The following NAALADL2 variants were observed in gnomAD, a reference collection of about 807,000 sequenced individuals.
NAALADL2 encodes inactive N-acetylated-alpha-linked acidic dipeptidase-like protein 2.
Under a neutral mutation model 87.2 loss-of-function variants are expected in NAALADL2, and 76 were observed. The observed-to-expected ratio is 0.87, with a 90% CI of 0.72 to 1.05. The LOEUF (loss-of-function observed/expected upper bound fraction) is 1.05, where lower values mean the gene tolerates loss of function less well. NAALADL2 is among the 50% of genes least tolerant of loss of function. The pLI is 0.00. For synonymous variants in NAALADL2, 354 were observed against 331.0 expected, an observed-to-expected ratio of 1.07 and a Z score of -0.75; for missense variants, 1,089 against 945.8, an observed-to-expected ratio of 1.15 and a Z score of -1.99.
intron 11 of NAALADL2, among the ~76,000 whole-genome samples, chr3:175,699,423 C>T (rs1471200990): frequency 1.3e-5 from 2 of 151,974 alleles, no homozygotes; most frequent in African/African-American, 4.8e-5. Context: ...ATACATGAAA[C>T]ATGCACTAGA....
At chr3:175,119,145 T>C (rs1268261280) in intron 2 of NAALADL2, among the ~76,000 whole-genome samples, 2 of 151,556 alleles carry the variant, frequency 1.3e-5, no homozygotes, top group African/African-American at 4.8e-5. Flanking sequence ...AATACCTAAG[T>C]TAGATTTACA....
At chr3:175,714,769 A>G (rs1741008551) in intron 11 of NAALADL2, among the ~76,000 whole-genome samples, 1 of 152,110 alleles carries the variant, frequency 6.6e-6, no homozygotes, top group African/African-American at 2.4e-5. Flanking sequence ...TTTTGTTGCC[A>G]TTGCTTTTGG....
intron 11 of NAALADL2, among the ~76,000 whole-genome samples, chr3:175,707,152 G>A (rs984848156): frequency 3.3e-5 from 5 of 152,054 alleles, no homozygotes; most frequent in Admixed American, 6.6e-5. Flanking sequence ...ATGTGCAGAT[G>A]TTGTTCTGGA....
intron 1 of NAALADL2, among the ~76,000 whole-genome samples, chr3:174,921,674 G>A (rs901509504): frequency 1.3e-5 from 2 of 151,534 alleles, no homozygotes; most frequent in East Asian, 1.9e-4. Context: ...GCGTGGTGGC[G>A]GGTGGCTGTA....
chr3:175,171,155 C>CA (rs1170161576), intron 2 of NAALADL2, among the ~76,000 whole-genome samples: 1 of 151,966 alleles, frequency 6.6e-6, no homozygotes, highest in African/African-American at 2.4e-5. Context: ...TCATACAACT[C>CA]AGGCTTATAA....
At chr3:175,184,582 G>A (rs1438404246) in intron 2 of NAALADL2, among the ~76,000 whole-genome samples, 1 of 151,820 alleles carries the variant, frequency 6.6e-6, no homozygotes, top group African/African-American at 2.4e-5. Context: ...TCCCATATAT[G>A]TACAACTGTC....
chr3:175,657,729 C>T (rs1037891793), intron 11 of NAALADL2, among the ~76,000 whole-genome samples: 2 of 150,398 alleles, frequency 1.3e-5, no homozygotes, highest in African/African-American at 2.5e-5. Flanking sequence ...TACAGGTGCC[C>T]GCCAACACGC....
At chr3:175,284,881 C>A (rs576326871) in intron 4 of NAALADL2, among the ~76,000 whole-genome samples, 2 of 151,928 alleles carry the variant, frequency 1.3e-5, no homozygotes, top group Admixed American at 6.6e-5. Flanking sequence ...CATCTTCATT[C>A]CTGGCTGCCA....
chr3:174,702,173 T>G (rs531838803), intron 2 of NAALADL2, among the ~76,000 whole-genome samples: 1 of 152,318 alleles, frequency 6.6e-6, no homozygotes, highest in Non-Finnish European at 1.5e-5. Flanking sequence ...TATTCACTAA[T>G]GATGTTGATC....
chr3:175,268,837 G>A (rs13081792), intron 4 of NAALADL2, among the ~76,000 whole-genome samples: 37,155 of 151,848 alleles, frequency 0.24, 5,292 homozygotes, highest in South Asian at 0.47. Flanking sequence ...AGTTTTTCAG[G>A]GACAGTAACA....
intron 2 of NAALADL2, among the ~76,000 whole-genome samples, chr3:174,627,151 T>C (rs769592812): frequency 6.6e-6 from 1 of 152,108 alleles, no homozygotes; most frequent in Non-Finnish European, 1.5e-5. Context: ...ATCTGTAGTA[T>C]AATAGTATTT....
intron 1 of NAALADL2, among the ~76,000 whole-genome samples, chr3:174,541,800 T>A (rs1262728528): frequency 6.6e-6 from 1 of 152,198 alleles, no homozygotes. Flanking sequence ...AAGACACTGC[T>A]GATGATGCAG....
chr3:175,011,024 A>AT (rs761752444), intron 1 of NAALADL2, among the ~76,000 whole-genome samples: 1 of 152,134 alleles, frequency 6.6e-6, no homozygotes, highest in Non-Finnish European at 1.5e-5. Context: ...GAATTACTAG[A>AT]TTTTGACTTC....
chr3:175,778,881 A>G (rs1576796638), intron 13 of NAALADL2, among the ~76,000 whole-genome samples: 2 of 152,312 alleles, frequency 1.3e-5, no homozygotes, highest in Middle Eastern at 3.4e-3. Flanking sequence ...TAGGAATTAA[A>G]TTTACCTAAG....
chr3:174,479,324 G>A (rs1160476989), intron 1 of NAALADL2, among the ~76,000 whole-genome samples: 1 of 152,076 alleles, frequency 6.6e-6, no homozygotes. Flanking sequence ...TTTGAGTCAA[G>A]TAATATGCTA....
rs139200564 is a variant in NAALADL2, at chr3:174,904,200, T to A, written c.43+44750T>A. On this transcript the variant is annotated intron_variant, in intron 1 of 13. Transcript: ENST00000454872. Reference sequence around the variant, plus strand: ...AAGGGGCCAATCTGTGTCTTACTCATCTTAGTGTTGCCAAGAGCCAAAATC... The same window carrying A: ...AAGGGGCCAATCTGTGTCTTACTCAACTTAGTGTTGCCAAGAGCCAAAATC... Among the ~76,000 whole-genome samples, 220 of 151,904 alleles carry A rather than the reference T, an allele frequency of 1.4e-3. 1 individual carries two copies. Among genetic ancestry groups the A allele is most frequent in the African/African-American group, 5.0e-3 (209 of 41,468 alleles).
chr3:175,690,237 A>G (rs575294960), intron 11 of NAALADL2, among the ~76,000 whole-genome samples: 9 of 152,206 alleles, frequency 5.9e-5, no homozygotes, highest in African/African-American at 1.9e-4. Flanking sequence ...TGAAACACAT[A>G]CAGAGCAGGA....
At chr3:174,591,849 T>C (rs1265833830) in intron 2 of NAALADL2, among the ~76,000 whole-genome samples, 1 of 152,142 alleles carries the variant, frequency 6.6e-6, no homozygotes, top group African/African-American at 2.4e-5. Context: ...AGTTTTGCTG[T>C]TTTGGATTTT....
intron 2 of NAALADL2, among the ~76,000 whole-genome samples, chr3:175,146,307 A>G (rs1730747175): frequency 1.3e-5 from 2 of 152,152 alleles, no homozygotes; most frequent in South Asian, 2.1e-4. Context: ...AGGACTGTGG[A>G]AAACAATGGA....
Sources: allele counts gnomAD v4.1 joint callset (sites outside exome capture counted in the v4.1 genomes callset), GRCh38; gene constraint gnomAD v4.1.1; transcripts MANE v1.5; gene names NCBI Gene and HGNC (gene_info 2026-07-23, HGNC 2026-07-21).